Variants in CARF observed in about 807,000 individuals in gnomAD.
The protein encoded by CARF is calcium responsive transcription factor, also known as calcium-responsive transcription factor.
A neutral mutation model predicts 82.0 loss-of-function variants in CARF; 57 were observed. The observed-to-expected ratio is 0.70, with a 90% CI of 0.56 to 0.87. The LOEUF (loss-of-function observed/expected upper bound fraction) is 0.87, where lower values mean the gene tolerates loss of function less well. Ranked by LOEUF, CARF falls within the 40% of genes least tolerant of loss-of-function variation. CARF has a pLI of 0.00. For synonymous variants in CARF, 268 were observed against 290.1 expected, an observed-to-expected ratio of 0.92 and a Z score of 0.77; for missense variants, 771 against 855.8, an observed-to-expected ratio of 0.90 and a Z score of 1.24.
At chr2:202,943,881 C>T (rs763025428) in intron 5 of CARF, among the ~76,000 whole-genome samples, 12 of 151,888 alleles carry the variant, frequency 7.9e-5, no homozygotes, top group Non-Finnish European at 1.6e-4. Context: ...CTCCTGACCT[C>T]GTTATCCACC....
In CARF at chr2:202,954,112, T is replaced by C. The variant is rs911913178; in HGVS notation, c.535T>C (p.Leu179=). ...YILHPQTSFP[L]PKKSVTGMLE... ...TCTTCATCCTCAAACATCCTTCCCA[T>C]TGCCCAAAAAGTCAGTGACCGGGTG... Residue 179 remains leucine (L), a synonymous_variant, in exon 7 of 17, where the codon TTG becomes CTG. Coordinates refer to ENST00000438828, the MANE Select transcript of CARF (RefSeq NM_024744.17). The C allele has an allele frequency of 6.2e-7, 1 of 1,613,118 alleles. No homozygotes were observed. Among genetic ancestry groups the C allele is most frequent in the South Asian group, 1.1e-5 (1 of 90,894 alleles).
chr2:202,986,489 C>A lies in CARF; in HGVS notation c.*2865C>A, dbSNP rs2060430998. 6.6e-6 allele frequency: 1 copy of A among 152,028 alleles called. No individual in the cohort carries two copies. Among genetic ancestry groups the A allele is most frequent in the Non-Finnish European group, 1.5e-5 (1 of 67,954 alleles). The allele number at this position is 152,028 out of a possible 1,614,324, so 9.4% of individuals were successfully genotyped here. On this transcript the variant is annotated 3_prime_UTR_variant, in exon 17 of 17. Transcript: ENST00000438828. The stretch of plus-strand genomic sequence containing the variant: ...CAGTAAAAAATTCACAATTACAGCT[C>A]AGCTTGTTTATTCATTATAGTTTCC...
rs765112075 is a variant in CARF at position 202,971,742 on chromosome 2, C to T, written c.1331+4C>T. Reference sequence around the variant, plus strand: ...ATGCAGTAAGGAAACAGCTAAGGTACAATAGAAGAGCATTGTTCTTTTACA... The same window carrying T: ...ATGCAGTAAGGAAACAGCTAAGGTATAATAGAAGAGCATTGTTCTTTTACA... On this transcript the variant is annotated splice_donor_region_variant and intron_variant, in intron 12 of 16. Transcript: ENST00000438828. The T allele has an allele frequency of 6.3e-7, 1 of 1,585,940 alleles. No homozygotes were observed. Among genetic ancestry groups the T allele is most frequent in the Admixed American group, 1.7e-5 (1 of 59,864 alleles).
chr2:202,933,321 C>T (rs1176651768), intron 3 of CARF, among the ~76,000 whole-genome samples: 1 of 152,142 alleles, frequency 6.6e-6, no homozygotes, highest in Non-Finnish European at 1.5e-5. Context: ...CACACTCCAG[C>T]CGTAGTTCGG....
intron 1 of CARF, among the ~76,000 whole-genome samples, chr2:202,914,206 T>C (rs397842888): frequency 1.2e-4 from 19 of 152,194 alleles, no homozygotes; most frequent in Non-Finnish European, 2.5e-4. Flanking sequence ...ATGGTCCTCA[T>C]GGAGACACAT....
Position 202,986,414 on chromosome 2 carries a change from G to A in CARF, c.*2790G>A, listed in dbSNP as rs1471883194. The A allele has an allele frequency of 1.3e-5, 2 of 152,050 alleles. No homozygotes were observed. The highest frequency in any genetic ancestry group is 4.8e-5 in the African/African-American group (2 of 41,420). The allele number at this position is 152,050 out of a possible 1,614,324, so 9.4% of individuals were successfully genotyped here. Reference sequence around the variant, plus strand: ...TTGACATGTTTTTTGTGTGTGTCATGTATTGTAAGTTGTAATATCTGTAGG... The same window carrying A: ...TTGACATGTTTTTTGTGTGTGTCATATATTGTAAGTTGTAATATCTGTAGG... On this transcript the variant is annotated 3_prime_UTR_variant, in exon 17 of 17. Coordinates refer to ENST00000438828, the MANE Select transcript of CARF (RefSeq NM_024744.17).
chr2:202,954,634 C>T (rs967883061), intron 7 of CARF, among the ~76,000 whole-genome samples: 2 of 150,834 alleles, frequency 1.3e-5, no homozygotes, highest in African/African-American at 4.9e-5. Context: ...ATTGCTTGAA[C>T]CCGGGAGGCG....
intron 3 of CARF, among the ~76,000 whole-genome samples, chr2:202,937,634 A>T (rs1694162205): frequency 6.6e-6 from 1 of 151,248 alleles, no homozygotes; most frequent in East Asian, 1.9e-4. Flanking sequence ...TTTATTTATT[A>T]TTTTTTTGAG....
Position 202,974,456 on chromosome 2 carries a change from A to T in CARF, c.1454A>T (p.Asn485Ile). ...CATGAGGTACAGAAATCCTTGAGAA[A>T]TGGAGATACGGTATATAACTCAGAG... is the stretch of plus-strand genomic sequence containing the variant. ...HIHEVQKSLR[N>I]GDTVYNSEII... The change falls in exon 13 of 17, where the codon AAT (asparagine) becomes ATT (isoleucine). Residue 485 changes from asparagine to isoleucine, a missense_variant. Asn to Ile is a moderately radical substitution (Grantham distance 149). Transcript: ENST00000438828. 1 of 1,607,600 alleles carries T rather than the reference A, an allele frequency of 6.2e-7. No homozygotes were observed. The highest frequency in any genetic ancestry group is 2.2e-5 in the East Asian group (1 of 44,730).
At chr2:202,923,515 G>A (rs1463366246) in intron 2 of CARF, among the ~76,000 whole-genome samples, 1 of 152,172 alleles carries the variant, frequency 6.6e-6, no homozygotes, top group Non-Finnish European at 1.5e-5. Flanking sequence ...TTCATGGATG[G>A]GTAGAATCAG....
intron 5 of CARF, among the ~76,000 whole-genome samples, chr2:202,949,255 A>G (rs2058643714): frequency 6.6e-6 from 1 of 150,594 alleles, no homozygotes; most frequent in Non-Finnish European, 1.5e-5. Flanking sequence ...AATCACTTGA[A>G]CCCAGGAGGC....
At chr2:202,923,164 C>T (rs910669806) in intron 2 of CARF, among the ~76,000 whole-genome samples, 3 of 152,064 alleles carry the variant, frequency 2.0e-5, no homozygotes, top group African/African-American at 7.2e-5. Flanking sequence ...TCGCTTGAAC[C>T]TGGGAGGCAG....
chr2:202,950,220 T>A (rs1396311325), intron 5 of CARF, among the ~76,000 whole-genome samples: 1 of 152,076 alleles, frequency 6.6e-6, no homozygotes, highest in Non-Finnish European at 1.5e-5. Context: ...AGGGAGAAAA[T>A]AAATGAGACT....
In CARF at chr2:202,983,506, T is replaced by C. The variant is rs750497740; in HGVS notation, c.2060T>C (p.Ile687Thr). The C allele has an allele frequency of 1.9e-6, 3 of 1,581,890 alleles. No homozygotes were observed. Residue 687 changes from isoleucine to threonine, a missense_variant and splice_region_variant, in exon 17 of 17, where the codon ATT becomes ACT. Ile to Thr is a moderately conservative substitution (Grantham distance 89). Transcript: ENST00000438828. The part of the protein sequence containing the change: ...IQIIDNHSAL[I>T]EENPESTISV... ...AGGATTTTTCTGTTTGTTTTTAAAGTTGAAGAAAATCCAGAAAGTACCATT... is the reference window on the plus strand; with the variant it reads ...AGGATTTTTCTGTTTGTTTTTAAAGCTGAAGAAAATCCAGAAAGTACCATT...
At chr2:202,948,489 G>T (rs2058606824) in intron 5 of CARF, among the ~76,000 whole-genome samples, 1 of 152,076 alleles carries the variant, frequency 6.6e-6, no homozygotes, top group South Asian at 2.1e-4. Flanking sequence ...CCATGAGCAT[G>T]GATTTTTTTT....
chr2:202,941,873 GA>G lies in CARF; in HGVS notation c.-28del. On this transcript the variant is annotated 5_prime_UTR_variant, in exon 4 of 17. Transcript: ENST00000438828. ...AAACTCTTTCAGCTATTAAATAATA[GA>G]AGAAAATGGAATTGAATATGATGTC... The G allele has an allele frequency of 6.4e-7, 1 of 1,556,022 alleles. No homozygotes were observed. The highest frequency in any genetic ancestry group is 2.3e-5 in the East Asian group (1 of 44,316).
In CARF at chr2:202,949,612, G is replaced by A. The variant is rs946124842; in HGVS notation, c.307-2947G>A. Among the ~76,000 whole-genome samples, 9 of 149,000 alleles carry A rather than the reference G, an allele frequency of 6.0e-5. No individual in the cohort carries two copies. In the East Asian group the frequency reaches 1.4e-3, roughly 23 times the overall value. On this transcript the variant is annotated intron_variant, in intron 5 of 16. Transcript: ENST00000438828. ...GTTGCCCAGGCTGGAGTGCAGTTGC[G>A]TGATCTCAGCTCACTGCAACCCCCA...
chr2:202,975,369 G>A (rs879825618), intron 13 of CARF, among the ~76,000 whole-genome samples: 4 of 152,220 alleles, frequency 2.6e-5, no homozygotes, highest in African/African-American at 9.6e-5. Context: ...GTGTGAACCC[G>A]GGAGGCGGAG....
intron 5 of CARF, among the ~76,000 whole-genome samples, chr2:202,945,218 A>T (rs2105816416): frequency 6.6e-6 from 1 of 152,294 alleles, no homozygotes; most frequent in South Asian, 2.1e-4. Context: ...ATTTTCATAT[A>T]TATATACTTC....
Sources: gnomAD v4.1 joint callset for allele counts (sites outside exome capture counted in the v4.1 genomes callset) on GRCh38, gnomAD v4.1.1 for gene constraint, MANE v1.5 for transcripts, NCBI Gene and HGNC (gene_info 2026-07-23, HGNC 2026-07-21) for gene names.